ZFAND6: variants seen among roughly 807,000 people sequenced by gnomAD.
The protein encoded by ZFAND6 is AN1-type zinc finger protein 6.
A neutral mutation model predicts 24.5 loss-of-function variants in ZFAND6; 12 were observed. The ratio of observed to expected loss-of-function variants is 0.49; its 90% confidence interval spans 0.31 to 0.79. ZFAND6 has a LOEUF of 0.79. Ranked by LOEUF, ZFAND6 falls within the 30% of genes least tolerant of loss-of-function variation. The pLI, the probability that ZFAND6 is intolerant of heterozygous loss-of-function variation, is 0.04. For synonymous variants in ZFAND6, 92 were observed against 81.5 expected, an observed-to-expected ratio of 1.13 and a Z score of -0.69; for missense variants, 207 against 245.9, an observed-to-expected ratio of 0.84 and a Z score of 1.06.
intron 2 of ZFAND6, among the ~76,000 whole-genome samples, chr15:80,116,100 GTT>G (rs1388873474): frequency 7.3e-6 from 1 of 136,578 alleles, no homozygotes. Context: ...TTTTTTTTTT[GTT>G]TTTTTTTTTC....
chr15:80,094,169 A>G (rs1430967188), intron 1 of ZFAND6, among the ~76,000 whole-genome samples: 1 of 152,210 alleles, frequency 6.6e-6, no homozygotes, highest in Non-Finnish European at 1.5e-5. Flanking sequence ...ATTCAAATTT[A>G]TGGAAGGTTA....
intron 2 of ZFAND6, among the ~76,000 whole-genome samples, chr15:80,100,047 G>C (rs997558153): frequency 7.9e-5 from 12 of 152,204 alleles, no homozygotes; most frequent in South Asian, 6.2e-4. Flanking sequence ...TTTCTATATT[G>C]GTCAGTAGAT....
At chr15:80,129,112 A>C (rs1359112568) in intron 5 of ZFAND6, among the ~76,000 whole-genome samples, 1 of 152,228 alleles carries the variant, frequency 6.6e-6, no homozygotes, top group Non-Finnish European at 1.5e-5. Context: ...ATGCATAGCC[A>C]GATAGGCTTA....
intron 1 of ZFAND6, among the ~76,000 whole-genome samples, chr15:80,086,851 C>T (rs2141879489): frequency 6.6e-6 from 1 of 152,350 alleles, no homozygotes; most frequent in South Asian, 2.1e-4. Flanking sequence ...TGGTAACCAA[C>T]ATTGTTTCTG....
At chr15:80,066,270 A>G (rs746797581) in intron 1 of ZFAND6, among the ~76,000 whole-genome samples, 8 of 151,988 alleles carry the variant, frequency 5.3e-5, no homozygotes, top group Non-Finnish European at 1.0e-4. Flanking sequence ...GATTGGTGGT[A>G]CCAAGGTGTG....
chr15:80,071,206 T>C (rs2036958923), intron 1 of ZFAND6, among the ~76,000 whole-genome samples: 1 of 152,264 alleles, frequency 6.6e-6, no homozygotes, highest in African/African-American at 2.4e-5. Flanking sequence ...CTTTGTGTTC[T>C]AATATTTGAG....
At position 80,106,426 on chromosome 15, in the gene ZFAND6, G is replaced by A. The variant is rs2030555; in HGVS notation, c.-18+7848G>A. Among the ~76,000 whole-genome samples the A allele has an allele frequency of 0.02, 3,083 of 152,060 alleles. 222 individuals are homozygous for A. In the East Asian group the frequency reaches 0.22, roughly 11 times the overall value. The stretch of plus-strand genomic sequence containing the variant: ...TATTGTCTGTGGCTTCTTTTTTACT[G>A]TAAAGGCGAAATTGAGCAGTTATGA... On this transcript the variant is annotated intron_variant, in intron 2 of 6. Transcript: ENST00000261749.
chr15:80,090,046 A>G (rs1030222689), intron 1 of ZFAND6, among the ~76,000 whole-genome samples: 4 of 152,024 alleles, frequency 2.6e-5, no homozygotes, highest in Admixed American at 6.6e-5. Flanking sequence ...CCTTGTTTCT[A>G]TTTGTGTTGT....
At chr15:80,104,279 T>C (rs2039196428) in intron 2 of ZFAND6, among the ~76,000 whole-genome samples, 1 of 152,212 alleles carries the variant, frequency 6.6e-6, no homozygotes, top group African/African-American at 2.4e-5. Flanking sequence ...CCCAGCACTT[T>C]GGGAGGCTGA....
At position 80,075,280 on chromosome 15, in the gene ZFAND6, A is replaced by C. The variant is rs926269868; in HGVS notation, c.-181+15471A>C. The stretch of plus-strand genomic sequence containing the variant: ...CATGTAATTTGATTGTCGTCTTAAT[A>C]AAATTTAATGTTATTGCTACCAAAT... On this transcript the variant is annotated intron_variant, in intron 1 of 6. Transcript: ENST00000261749. The C allele has an allele frequency of 1.7e-5, 4 of 231,968 alleles. No individual in the cohort carries two copies. The Admixed American group carries it at 2.4e-4, about 14-fold the overall frequency. The allele number at this position is 231,968 out of a possible 1,614,324, so 14.4% of individuals were successfully genotyped here. A position where few individuals can be genotyped will look rare whatever the true frequency, so the allele number is the denominator to read the frequency against.
At chr15:80,099,957 GGCAGAAATGGAGGGACACATGTTGCT>G (rs1205488309) in intron 2 of ZFAND6, among the ~76,000 whole-genome samples, 1 of 152,108 alleles carries the variant, frequency 6.6e-6, no homozygotes, top group African/African-American at 2.4e-5. Context: ...AAGGATATGT[GGCAGAAATGGAGGGACACATGTTGCT>G]GCATTCAAAA....
In ZFAND6 at chr15:80,131,823, G is replaced by T. The variant is rs1462859796; in HGVS notation, c.478+530G>T. The stretch of plus-strand genomic sequence containing the variant: ...GCATTTAGCAAAGAAAGTACATGAA[G>T]TGCAGTCAGATTGCTCTGGGAATTC... On this transcript the variant is annotated intron_variant, in intron 6 of 6. Transcript: ENST00000261749. Among the ~76,000 whole-genome samples the T allele has an allele frequency of 6.6e-5, 10 of 152,328 alleles. No individual in the cohort carries two copies. The East Asian group carries it at 1.9e-3, about 29-fold the overall frequency.
chr15:80,090,697 A>G (rs2038304060), intron 1 of ZFAND6, among the ~76,000 whole-genome samples: 1 of 152,204 alleles, frequency 6.6e-6, no homozygotes, highest in Non-Finnish European at 1.5e-5. Context: ...GGTCTGAGAA[A>G]GAGTCATATT....
At chr15:80,102,880 A>C (rs2039110794) in intron 2 of ZFAND6, among the ~76,000 whole-genome samples, 1 of 152,242 alleles carries the variant, frequency 6.6e-6, no homozygotes, top group African/African-American at 2.4e-5. Context: ...TGGAAATAGA[A>C]ATCCATTCTA....
At chr15:80,063,558 A>ATTT (rs34010352) in intron 1 of ZFAND6, among the ~76,000 whole-genome samples, 2 of 139,626 alleles carry the variant, frequency 1.4e-5, no homozygotes, top group African/African-American at 2.6e-5. Context: ...CGCCCAGCTA[A>ATTT]TTTTTTTTTT....
chr15:80,102,962 G>A (rs1001717566), intron 2 of ZFAND6, among the ~76,000 whole-genome samples: 2 of 152,194 alleles, frequency 1.3e-5, no homozygotes, highest in Non-Finnish European at 2.9e-5. Context: ...CAAGTATATA[G>A]CCTTGGTACT....
chr15:80,124,528 CAT>C (rs2040291307), intron 5 of ZFAND6, among the ~76,000 whole-genome samples: 1 of 152,136 alleles, frequency 6.6e-6, no homozygotes. Context: ...GAATAAAGGT[CAT>C]AGATTGGTGA....
At chr15:80,108,423 G>A (rs16971756) in intron 2 of ZFAND6, among the ~76,000 whole-genome samples, 4 of 152,096 alleles carry the variant, frequency 2.6e-5, no homozygotes, top group Admixed American at 6.5e-5. Context: ...TGTGGTAATC[G>A]TGAGAAGAAA....
At chr15:80,078,464 G>A (rs940150497) in intron 1 of ZFAND6, among the ~76,000 whole-genome samples, 12 of 152,136 alleles carry the variant, frequency 7.9e-5, no homozygotes, top group African/African-American at 2.2e-4. Flanking sequence ...ACTGTTGATG[G>A]GCACCTAGGT....
Sources: gnomAD v4.1 joint callset for allele counts (sites outside exome capture counted in the v4.1 genomes callset) on GRCh38, gnomAD v4.1.1 for gene constraint, MANE v1.5 for transcripts, NCBI Gene and HGNC (gene_info 2026-07-23, HGNC 2026-07-21) for gene names.